GPC6: variants seen among roughly 807,000 people sequenced by gnomAD.
The protein encoded by GPC6 is glypican 6.
In GPC6, 14 loss-of-function variants were observed where a neutral mutation model predicts 55.2. The observed-to-expected ratio is 0.25, with a 90% CI of 0.17 to 0.40. The LOEUF is 0.40. Among genes scored for constraint, GPC6 ranks in the 10% least tolerant of loss-of-function variants. GPC6 has a pLI of 1.00. For missense variants in GPC6, 641 were observed against 708.5 expected (o/e 0.90, Z 1.08); for synonymous variants, 278 against 259.6 (o/e 1.07, Z -0.68).
In GPC6 at chr13:93,951,333, C is replaced by A. The variant is rs543557291; in HGVS notation, c.712-76396C>A. ...ATTATGTGATTTTAGGTCTGTTATTCTCTTCAGCTTTTGGAGCCCTCTAGA... is the reference window on the plus strand; with the variant it reads ...ATTATGTGATTTTAGGTCTGTTATTATCTTCAGCTTTTGGAGCCCTCTAGA... On this transcript the variant is annotated intron_variant, in intron 3 of 8. Coordinates refer to ENST00000377047, the MANE Select transcript of GPC6 (RefSeq NM_005708.5). Among the ~76,000 whole-genome samples the A allele has an allele frequency of 2.6e-5, 4 of 152,192 alleles. No individual in the cohort carries two copies. In the East Asian group the frequency reaches 7.7e-4, roughly 29 times the overall value.
At chr13:94,208,360 A>C (rs1386380121) in intron 4 of GPC6, among the ~76,000 whole-genome samples, 2 of 152,188 alleles carry the variant, frequency 1.3e-5, no homozygotes, top group African/African-American at 2.4e-5. Flanking sequence ...CATATAAAGC[A>C]GTTAGTGTAT....
chr13:94,089,346 G>A (rs931018488), intron 4 of GPC6, among the ~76,000 whole-genome samples: 1 of 152,182 alleles, frequency 6.6e-6, no homozygotes, highest in Non-Finnish European at 1.5e-5. Flanking sequence ...GCAGAAGAGA[G>A]AGAGATGTCT....
intron 3 of GPC6, among the ~76,000 whole-genome samples, chr13:93,895,408 C>T (rs1252212157): frequency 1.3e-5 from 2 of 151,188 alleles, no homozygotes; most frequent in Non-Finnish European, 3.0e-5. Flanking sequence ...ATAATGATTC[C>T]TCTAGGAGTC....
intron 3 of GPC6, among the ~76,000 whole-genome samples, chr13:94,014,936 C>T (rs544513265): frequency 5.1e-4 from 78 of 152,274 alleles, no homozygotes; most frequent in African/African-American, 1.8e-3. Flanking sequence ...ACTCATTCAT[C>T]ATTTGGAGAA....
At chr13:93,430,501 T>C (rs1168932109) in intron 1 of GPC6, among the ~76,000 whole-genome samples, 1 of 151,948 alleles carries the variant, frequency 6.6e-6, no homozygotes, top group East Asian at 1.9e-4. Context: ...TAGAAAACAG[T>C]AAGTGGGAAG....
chr13:93,927,462 T>C (rs1490397588), intron 3 of GPC6, among the ~76,000 whole-genome samples: 1 of 152,156 alleles, frequency 6.6e-6, no homozygotes, highest in African/African-American at 2.4e-5. Flanking sequence ...ATTTAATTGA[T>C]CAGAAAATAC....
intron 1 of GPC6, among the ~76,000 whole-genome samples, chr13:93,462,601 G>T: frequency 7.7e-6 from 1 of 130,520 alleles, no homozygotes; most frequent in South Asian, 2.6e-4. Context: ...GTAAAAGTTG[G>T]AAGAAAAAAA....
chr13:93,320,649 A>G (rs939239478), intron 1 of GPC6, among the ~76,000 whole-genome samples: 1 of 151,804 alleles, frequency 6.6e-6, no homozygotes, highest in African/African-American at 2.4e-5. Context: ...ATATATATAT[A>G]CACACACACT....
intron 1 of GPC6, among the ~76,000 whole-genome samples, 158 bp from the exon 2 acceptor site, chr13:93,545,105 A>G (rs1213258658): frequency 3.9e-5 from 6 of 152,192 alleles, no homozygotes; most frequent in Admixed American, 3.9e-4. Context: ...TGTTAGATAC[A>G]CTGATGTGCT....
chr13:93,803,796 C>T (rs767794090), intron 2 of GPC6, among the ~76,000 whole-genome samples: 1 of 152,082 alleles, frequency 6.6e-6, no homozygotes, highest in Non-Finnish European at 1.5e-5. Flanking sequence ...GGATGAACTT[C>T]AAAATCATTA....
intron 6 of GPC6, among the ~76,000 whole-genome samples, chr13:94,312,954 A>G (rs1886933): frequency 0.57 from 86,771 of 152,046 alleles, 25,802 homozygotes; most frequent in East Asian, 0.87. Flanking sequence ...GTTGTGAACG[A>G]CCCGGTCTTG....
At chr13:93,340,774 T>C (rs1033437575) in intron 1 of GPC6, among the ~76,000 whole-genome samples, 1 of 149,776 alleles carries the variant, frequency 6.7e-6, no homozygotes, top group African/African-American at 2.5e-5. Flanking sequence ...TGAACCATCG[T>C]GAAGATTTAT....
chr13:93,718,220 C>G (rs1883321828), intron 2 of GPC6, among the ~76,000 whole-genome samples: 1 of 151,954 alleles, frequency 6.6e-6, no homozygotes, highest in African/African-American at 2.4e-5. Context: ...AATTTACACT[C>G]CCACCATTAG....
chr13:93,578,606 T>C (rs1876783443), intron 2 of GPC6, among the ~76,000 whole-genome samples: 1 of 151,466 alleles, frequency 6.6e-6, no homozygotes, highest in Non-Finnish European at 1.5e-5. Flanking sequence ...AGTTTGTTGA[T>C]TTTTGTTTAT....
chr13:94,200,176 CAT>C (rs1039734503), intron 4 of GPC6, among the ~76,000 whole-genome samples: 25 of 149,732 alleles, frequency 1.7e-4, no homozygotes, highest in East Asian at 1.4e-3. Flanking sequence ...AAAAAAACCA[CAT>C]GTTTCCAGGA....
intron 1 of GPC6, among the ~76,000 whole-genome samples, chr13:93,379,587 G>C (rs546545928): frequency 5.9e-5 from 9 of 152,196 alleles, no homozygotes; most frequent in African/African-American, 1.9e-4. Context: ...CTTGAATTTA[G>C]AGAACCTAGA....
intron 2 of GPC6, among the ~76,000 whole-genome samples, chr13:93,695,491 CAT>C (rs1276555655): frequency 6.6e-6 from 1 of 151,872 alleles, no homozygotes; most frequent in Non-Finnish European, 1.5e-5. Context: ...TTTCAAGCAT[CAT>C]ATAATCCTTT....
chr13:94,300,033 G>A (rs1388180354), intron 5 of GPC6, among the ~76,000 whole-genome samples: 1 of 152,046 alleles, frequency 6.6e-6, no homozygotes, highest in Non-Finnish European at 1.5e-5. Flanking sequence ...AACATTAACT[G>A]TTACCTGGAT....
rs1175357998 is a variant in GPC6, at chr13:94,238,470, TAGATAGAAGGGCAC to T, written c.878-47876_878-47863del. ...GGATACATGGTCACCATTGTCTTAT[TAGATAGAAGGGCAC>T]AGTGGGCTTTCACCACGAGGACTAA... is the stretch of plus-strand genomic sequence containing the variant. On this transcript the variant is annotated intron_variant, in intron 4 of 8. Transcript: ENST00000377047. Among the ~76,000 whole-genome samples, 21 of 152,238 alleles carry T rather than the reference TAGATAGAAGGGCAC, an allele frequency of 1.4e-4. No homozygotes were observed. The East Asian group carries it at 4.1e-3, about 30-fold the overall frequency.
Sources: gnomAD v4.1 joint callset for allele counts (sites outside exome capture counted in the v4.1 genomes callset) on GRCh38, gnomAD v4.1.1 for gene constraint, MANE v1.5 for transcripts, NCBI Gene and HGNC (gene_info 2026-07-23, HGNC 2026-07-21) for gene names.